Variants in IMMP2L observed in about 807,000 individuals in gnomAD.
IMMP2L encodes the protein mitochondrial inner membrane protease subunit 2.
Under a neutral mutation model 19.3 loss-of-function variants are expected in IMMP2L, and 18 were observed. That is an observed-to-expected ratio of 0.93 (90% CI 0.64 to 1.38). IMMP2L has a LOEUF of 1.38. Ranked by LOEUF, IMMP2L falls within the 40% of genes most tolerant of loss-of-function variation. The pLI, the probability that IMMP2L is intolerant of heterozygous loss-of-function variation, is 0.00. For missense variants in IMMP2L, 233 were observed against 218.2 expected (o/e 1.07, Z -0.43); for synonymous variants, 76 against 73.0 (o/e 1.04, Z -0.21).
intron 3 of IMMP2L, among the ~76,000 whole-genome samples, chr7:111,217,124 T>TCACACACACACACACACA (rs1281616330): frequency 9.7e-6 from 1 of 102,644 alleles, no homozygotes; most frequent in African/African-American, 3.3e-5. Flanking sequence ...TCTCTCTCTC[T>TCACACACACACACACACA]CTCACACACA....
At chr7:111,444,725 AC>A (rs930078365) in intron 3 of IMMP2L, among the ~76,000 whole-genome samples, 1 of 152,162 alleles carries the variant, frequency 6.6e-6, no homozygotes, top group African/African-American at 2.4e-5. Context: ...GACACTGTTA[AC>A]CCTGATGATA....
chr7:111,058,969 T>C (rs1793760117), intron 3 of IMMP2L, among the ~76,000 whole-genome samples: 1 of 152,120 alleles, frequency 6.6e-6, no homozygotes, highest in Non-Finnish European at 1.5e-5. Context: ...ATCTCTTTTT[T>C]TTAACTTTTT....
intron 3 of IMMP2L, among the ~76,000 whole-genome samples, chr7:111,276,609 GA>G (rs899292224): frequency 2.4e-4 from 12 of 50,808 alleles, no homozygotes; most frequent in African/African-American, 3.2e-4. Context: ...CACAGAATTA[GA>G]AAAAAAAAAT....
chr7:110,912,915 G>T (rs1446541611), intron 4 of IMMP2L, among the ~76,000 whole-genome samples: 1 of 151,940 alleles, frequency 6.6e-6, no homozygotes, highest in Non-Finnish European at 1.5e-5. Flanking sequence ...CTTCCAGTAT[G>T]CAGAATGGCA....
chr7:110,916,739 A>G (rs1813654661), intron 4 of IMMP2L, among the ~76,000 whole-genome samples: 2 of 152,218 alleles, frequency 1.3e-5, no homozygotes, highest in African/African-American at 2.4e-5. Context: ...TGCTAATTTT[A>G]TATTTCATAG....
intron 3 of IMMP2L, among the ~76,000 whole-genome samples, chr7:111,068,304 G>T (rs1367527937): frequency 1.3e-5 from 2 of 152,006 alleles, no homozygotes; most frequent in Non-Finnish European, 2.9e-5. Context: ...TTCATTGTGA[G>T]AAATAAATAT....
At chr7:110,846,357 TTTTTTTTTTTTG>T (rs1563020577) in intron 5 of IMMP2L, among the ~76,000 whole-genome samples, 3 of 127,082 alleles carry the variant, frequency 2.4e-5, no homozygotes, top group African/African-American at 8.3e-5. Flanking sequence ...TCTTTTTTTT[TTTTTTTTTTTTG>T]TTGTTGTTGT....
Position 111,446,360 on chromosome 7 carries a change from G to A in IMMP2L, c.239+40878C>T, listed in dbSNP as rs899405601. Among the ~76,000 whole-genome samples the A allele has an allele frequency of 8.4e-5, 12 of 142,404 alleles. No individual in the cohort carries two copies. The East Asian group carries it at 2.3e-3, about 28-fold the overall frequency. The allele number at this position is 142,404 out of a possible 152,430, so 93.4% of individuals were successfully genotyped here. ...TCTCCCAGCACACAGCTGGAGATCT[G>A]AGAACAGGCAGACTGCCTCCTCAAG... On this transcript the variant is annotated intron_variant, in intron 3 of 5. Transcript: ENST00000405709.
chr7:111,295,418 C>A (rs1237077238), intron 3 of IMMP2L, among the ~76,000 whole-genome samples: 8 of 151,848 alleles, frequency 5.3e-5, no homozygotes, highest in Admixed American at 5.3e-4. Flanking sequence ...AGCCTTCACA[C>A]ATAGACTGTA....
intron 3 of IMMP2L, among the ~76,000 whole-genome samples, chr7:111,019,956 T>A (rs1826106869): frequency 6.6e-6 from 1 of 152,048 alleles, no homozygotes; most frequent in South Asian, 2.1e-4. Flanking sequence ...CATTTCCGGA[T>A]CACCAGAAGG....
chr7:111,421,363 G>A (rs1412589859), intron 3 of IMMP2L, among the ~76,000 whole-genome samples: 1 of 144,078 alleles, frequency 6.9e-6, no homozygotes, highest in Non-Finnish European at 1.5e-5. Flanking sequence ...TCCGCCTCCC[G>A]GGTTCACGCC....
At chr7:110,860,562 T>G (rs995914609) in intron 5 of IMMP2L, among the ~76,000 whole-genome samples, 1 of 152,188 alleles carries the variant, frequency 6.6e-6, no homozygotes, top group Non-Finnish European at 1.5e-5. Flanking sequence ...GTTAGTACAA[T>G]AAAGGTATTA....
At chr7:110,756,895 T>C (rs757393833) in intron 5 of IMMP2L, among the ~76,000 whole-genome samples, 3 of 152,094 alleles carry the variant, frequency 2.0e-5, no homozygotes, top group Non-Finnish European at 4.4e-5. Context: ...CAGTAAGGGT[T>C]TGATCTCTTC....
intron 3 of IMMP2L, among the ~76,000 whole-genome samples, chr7:111,359,094 A>G (rs961932313): frequency 3.9e-5 from 6 of 152,084 alleles, no homozygotes; most frequent in Non-Finnish European, 4.4e-5. Context: ...AAGCCGATAC[A>G]CTGGCATTAC....
At position 110,785,997 on chromosome 7, in the gene IMMP2L, G is replaced by A. The variant is rs181474154; in HGVS notation, c.408+100596C>T. On this transcript the variant is annotated intron_variant, in intron 5 of 5. Coordinates refer to ENST00000405709, the MANE Select transcript of IMMP2L (RefSeq NM_032549.4). ...TTTCTGCAAGCCAGTCCCAAACCAG[G>A]CATATAACAGACATACTGTAAGTCC... Among the ~76,000 whole-genome samples the A allele has an allele frequency of 2.0e-5, 3 of 151,780 alleles. No homozygotes were observed. The East Asian group carries it at 5.9e-4, about 30-fold the overall frequency.
At chr7:111,259,120 G>T (rs958854663) in intron 3 of IMMP2L, among the ~76,000 whole-genome samples, 11 of 152,068 alleles carry the variant, frequency 7.2e-5, no homozygotes, top group African/African-American at 2.7e-4. Context: ...TCTAAACATA[G>T]AAAAGGTAAA....
chr7:111,169,455 G>C (rs751340064), intron 3 of IMMP2L, among the ~76,000 whole-genome samples: 2 of 151,768 alleles, frequency 1.3e-5, no homozygotes, highest in African/African-American at 2.4e-5. Flanking sequence ...CTTGAGTTTG[G>C]GTTACATTCA....
At chr7:110,821,214 A>G (rs796938320) in intron 5 of IMMP2L, among the ~76,000 whole-genome samples, 27 of 152,232 alleles carry the variant, frequency 1.8e-4, no homozygotes, top group African/African-American at 5.8e-4. Flanking sequence ...AAGGTTAAAT[A>G]ACTTGCCCAA....
intron 3 of IMMP2L, among the ~76,000 whole-genome samples, chr7:111,375,030 CG>C (rs1554471645): frequency 6.6e-6 from 1 of 151,954 alleles, no homozygotes; most frequent in Non-Finnish European, 1.5e-5. Context: ...TCCTTCATAG[CG>C]GGGGGTCTTA....
Sources: allele counts gnomAD v4.1 joint callset (sites outside exome capture counted in the v4.1 genomes callset), GRCh38; gene constraint gnomAD v4.1.1; transcripts MANE v1.5; gene names NCBI Gene and HGNC (gene_info 2026-07-23, HGNC 2026-07-21).